Variants in ELF2 observed in about 807,000 individuals in gnomAD.
ELF2 encodes ETS-related transcription factor Elf-2.
Under a neutral mutation model 54.8 loss-of-function variants are expected in ELF2, and 11 were observed. That is an observed-to-expected ratio of 0.20 (90% CI 0.13 to 0.33). The LOEUF (loss-of-function observed/expected upper bound fraction) is 0.33. ELF2 is among the 10% of genes least tolerant of loss of function. The pLI, the probability that ELF2 is intolerant of heterozygous loss-of-function variation, is 1.00. For synonymous variants in ELF2, 203 were observed against 245.1 expected, an observed-to-expected ratio of 0.83 and a Z score of 1.61; for missense variants, 513 against 703.0, an observed-to-expected ratio of 0.73 and a Z score of 3.06.
At chr4:139,152,066 T>C (rs776004390) in intron 1 of ELF2, among the ~76,000 whole-genome samples, 1 of 152,178 alleles carries the variant, frequency 6.6e-6, no homozygotes, top group Non-Finnish European at 1.5e-5. Context: ...ATAAATCAGT[T>C]GGAAGGATTT....
chr4:139,062,906 G>A (rs913295783), intron 7 of ELF2, among the ~76,000 whole-genome samples: 1 of 152,110 alleles, frequency 6.6e-6, no homozygotes, highest in Non-Finnish European at 1.5e-5. Flanking sequence ...AACCCTTTAA[G>A]GATTTTCTTA....
chr4:139,060,962 ATTT>A (rs1231725981), intron 8 of ELF2, among the ~76,000 whole-genome samples: 1 of 152,124 alleles, frequency 6.6e-6, no homozygotes, highest in East Asian at 1.9e-4. Flanking sequence ...ACCGTTGACT[ATTT>A]TACTATACTG....
intron 4 of ELF2, chr4:139,084,420 C>A (rs965860691): frequency 2.5e-4 from 326 of 1,281,372 alleles, no homozygotes; most frequent in Non-Finnish European, 3.1e-4. Context: ...ACGGCAGGGG[C>A]AGGGGCGGCA....
At chr4:139,150,055 C>T (rs981799511) in intron 1 of ELF2, among the ~76,000 whole-genome samples, 1 of 151,772 alleles carries the variant, frequency 6.6e-6, no homozygotes. Flanking sequence ...ATTAGCTGGG[C>T]GTGGCCAGGC....
chr4:139,146,013 A>C (rs1304268004), intron 1 of ELF2, among the ~76,000 whole-genome samples: 4 of 152,232 alleles, frequency 2.6e-5, no homozygotes, highest in Non-Finnish European at 5.9e-5. Flanking sequence ...ATAGTACTTT[A>C]AGTCCTGGCC....
chr4:139,112,604 T>A (rs567582222), intron 4 of ELF2, among the ~76,000 whole-genome samples: 1 of 152,256 alleles, frequency 6.6e-6, no homozygotes, highest in Non-Finnish European at 1.5e-5. Flanking sequence ...TAACCTTGTT[T>A]GCTACTCATT....
At chr4:139,131,515 T>C (rs1737487344) in intron 3 of ELF2, among the ~76,000 whole-genome samples, 1 of 152,320 alleles carries the variant, frequency 6.6e-6, no homozygotes, top group Admixed American at 6.5e-5. Flanking sequence ...CTCAATGTAC[T>C]TTAGGAATAT....
intron 4 of ELF2, among the ~76,000 whole-genome samples, chr4:139,093,326 C>T (rs963894379): frequency 2.0e-5 from 3 of 152,150 alleles, no homozygotes; most frequent in South Asian, 2.1e-4. Flanking sequence ...AACAAACAAA[C>T]AAACCAACAA....
At chr4:139,159,459 G>A (rs1218743764) in intron 1 of ELF2, among the ~76,000 whole-genome samples, 1 of 152,198 alleles carries the variant, frequency 6.6e-6, no homozygotes, top group Non-Finnish European at 1.5e-5. Context: ...AGATTGATAG[G>A]TGAAGTTTCA....
intron 4 of ELF2, among the ~76,000 whole-genome samples, chr4:139,096,205 G>T (rs1284573293): frequency 6.6e-6 from 1 of 152,082 alleles, no homozygotes; most frequent in Non-Finnish European, 1.5e-5. Context: ...TCAAGGTTAA[G>T]GTTATACTAA....
At chr4:139,074,354 G>A (rs958623904) in intron 4 of ELF2, among the ~76,000 whole-genome samples, 2 of 152,158 alleles carry the variant, frequency 1.3e-5, no homozygotes, top group African/African-American at 4.8e-5. Context: ...ACAGAACCAT[G>A]CTGCGCTAAT....
intron 1 of ELF2, 59 bp from the exon 2 acceptor site, chr4:139,139,556 C>A: frequency 1.1e-6 from 1 of 941,770 alleles, no homozygotes. Flanking sequence ...AAGCACTATG[C>A]TCAAACAGAT....
At chr4:139,161,104 C>T (rs907059828) in intron 1 of ELF2, among the ~76,000 whole-genome samples, 2 of 152,060 alleles carry the variant, frequency 1.3e-5, no homozygotes. Flanking sequence ...TATTATGTTG[C>T]GTATTGTGTA....
intron 9 of ELF2, 144 bp downstream of exon 9, chr4:139,060,180 T>C (rs1275637222): frequency 2.7e-6 from 2 of 740,986 alleles, no homozygotes; most frequent in East Asian, 2.7e-5. Flanking sequence ...ATAAAAAATA[T>C]AATTAAAACA....
chr4:139,165,621 C>T (rs1373306467), intron 1 of ELF2, among the ~76,000 whole-genome samples: 1 of 152,128 alleles, frequency 6.6e-6, no homozygotes, highest in Non-Finnish European at 1.5e-5. Context: ...TGAGATCGCA[C>T]CACTGCACTC....
chr4:139,144,410 T>C (rs1005475459), intron 1 of ELF2, among the ~76,000 whole-genome samples: 11 of 152,308 alleles, frequency 7.2e-5, no homozygotes, highest in African/African-American at 2.4e-4. Context: ...CACAAAGTTC[T>C]GCCAACCAAC....
intron 1 of ELF2, among the ~76,000 whole-genome samples, chr4:139,150,514 G>A (rs1457551289): frequency 2.4e-5 from 3 of 127,278 alleles, no homozygotes; most frequent in Non-Finnish European, 3.3e-5. Context: ...GTGAGACCCT[G>A]TCTCAAAAAA....
chr4:139,066,709 C>G lies in ELF2; in HGVS notation c.613+975G>C, dbSNP rs112186422. 7.2e-4 allele frequency: 107 copies of G among 148,766 alleles called. 1 individual carries two copies. The highest frequency in any genetic ancestry group is 2.3e-3 in the African/African-American group (94 of 40,356). The allele number at this position is 148,766 out of a possible 1,614,324, so 9.2% of individuals were successfully genotyped here. ...CGAGATCCGCCTGGGCAACAAAGCA[C>G]AAGACCCCCATCTCTTAAAAAAAAA... is the stretch of plus-strand genomic sequence containing the variant. On this transcript the variant is annotated intron_variant, in intron 7 of 9. Transcript: ENST00000686138.
At chr4:139,138,434 T>C (rs1047981671) in intron 2 of ELF2, among the ~76,000 whole-genome samples, 5 of 151,956 alleles carry the variant, frequency 3.3e-5, no homozygotes, top group African/African-American at 9.7e-5. Context: ...AAAAAAGTTA[T>C]AACTTTCTCC....
Sources: gnomAD v4.1 joint callset for allele counts (sites outside exome capture counted in the v4.1 genomes callset) on GRCh38, gnomAD v4.1.1 for gene constraint, MANE v1.5 for transcripts, NCBI Gene and HGNC (gene_info 2026-07-23, HGNC 2026-07-21) for gene names.